Variants in LIPI observed in about 807,000 individuals in gnomAD.
LIPI encodes the protein lipase I.
Under a neutral mutation model 50.6 loss-of-function variants are expected in LIPI, and 59 were observed. The ratio of observed to expected loss-of-function variants is 1.16; its 90% CI spans 0.94 to 1.45. The LOEUF (loss-of-function observed/expected upper bound fraction) is 1.45, where lower values mean the gene tolerates loss of function less well. Among genes scored for constraint, LIPI ranks in the 40% most tolerant of loss-of-function variants. The pLI, the probability that LIPI is intolerant of heterozygous loss-of-function variation, is 0.00. For missense variants in LIPI, 586 were observed against 536.3 expected, an observed-to-expected ratio of 1.09 and a Z score of -0.92; for synonymous variants, 203 against 178.2, an observed-to-expected ratio of 1.14 and a Z score of -1.11.
chr21:14,144,846 TAACTC>T lies in LIPI; in HGVS notation c.1119-52_1119-48del, dbSNP rs758057187. 17 of 1,319,824 alleles carry T rather than the reference TAACTC, an allele frequency of 1.3e-5. No homozygotes were observed. In the Admixed American group the frequency reaches 2.1e-4, roughly 16 times the overall value. The allele number at this position is 1,319,824 out of a possible 1,614,324, so 81.8% of individuals were successfully genotyped here. A position where few individuals can be genotyped will look rare whatever the true frequency, so the allele number is the denominator to read the frequency against. On this transcript the variant is annotated intron_variant, in intron 8 of 9. Coordinates refer to ENST00000681601, the MANE Select transcript of LIPI (RefSeq NM_001302998.2). ...CGCAGCATATTAATAATTTGAAACATAACTCAATTCTAAAATCAATATAATCCTAA... is the reference window on the plus strand; with the variant it reads ...CGCAGCATATTAATAATTTGAAACATAATTCTAAAATCAATATAATCCTAA...
At chr21:14,127,102 A>G (rs746719003) in intron 9 of LIPI, among the ~76,000 whole-genome samples, 2 of 152,146 alleles carry the variant, frequency 1.3e-5, no homozygotes, top group Non-Finnish European at 2.9e-5. Flanking sequence ...GTCCTACTCT[A>G]CTGGAAGCAC....
At position 14,144,788 on chromosome 21, in the gene LIPI, G is replaced by C. The variant is rs2017841386; in HGVS notation, c.1130C>G (p.Pro377Arg). 6.4e-7 allele frequency: 1 copy of C among 1,569,066 alleles called. No homozygotes were observed. Among genetic ancestry groups the C allele is most frequent in the African/African-American group, 1.4e-5 (1 of 73,748 alleles). ...EEPRLYEKNK[P>R]FYKLQEVKIL... Reference sequence around the variant, plus strand: ...CTTGACTTCTTGAAGTTTATAAAATGGTTTGTTCTTTCTAGAGAGAAAATT... The same window carrying C: ...CTTGACTTCTTGAAGTTTATAAAATCGTTTGTTCTTTCTAGAGAGAAAATT... The change falls in exon 9 of 10, where the codon CCA (proline) becomes CGA (arginine). Residue 377 changes from proline (P) to arginine (R), a missense_variant. Physicochemically the swap from Pro to Arg is moderately radical, Grantham distance 103. Coordinates refer to ENST00000681601, the MANE Select transcript of LIPI (RefSeq NM_001302998.2).
chr21:14,145,451 C>T (rs1425409746), intron 8 of LIPI, among the ~76,000 whole-genome samples: 4 of 152,110 alleles, frequency 2.6e-5, no homozygotes, highest in African/African-American at 4.8e-5. Flanking sequence ...TTTCTCATCC[C>T]TATGTGCCAG....
intron 7 of LIPI, among the ~76,000 whole-genome samples, chr21:14,154,227 A>AAATT (rs904091098): frequency 1.3e-5 from 2 of 152,132 alleles, no homozygotes; most frequent in African/African-American, 2.4e-5. Context: ...CTTCACAGAA[A>AAATT]AATTAGATAG....
intron 1 of LIPI, among the ~76,000 whole-genome samples, chr21:14,196,711 G>A (rs408805): frequency 0.5 from 75,470 of 151,722 alleles, 19,268 homozygotes; most frequent in Non-Finnish European, 0.56. Context: ...CTGTGGTCCT[G>A]CCTACTCAGG....
intron 3 of LIPI, among the ~76,000 whole-genome samples, chr21:14,184,056 GC>G (rs1409747688): frequency 6.6e-6 from 1 of 152,116 alleles, no homozygotes; most frequent in East Asian, 1.9e-4. Context: ...ATTCACAATA[GC>G]AAAGACTTGG....
chr21:14,173,162 G>T (rs1203115284), intron 4 of LIPI, among the ~76,000 whole-genome samples: 5 of 152,178 alleles, frequency 3.3e-5, no homozygotes, highest in Non-Finnish European at 7.3e-5. Flanking sequence ...GAATACGCTC[G>T]GCGAAGAAGC....
At chr21:14,166,541 AG>A in intron 4 of LIPI, 90 bp from the exon 5 acceptor site, 1 of 758,372 alleles carries the variant, frequency 1.3e-6, no homozygotes. Context: ...ATCCATTGAA[AG>A]TTACTCTTTA....
At chr21:14,199,254 A>G (rs1292383572) in intron 1 of LIPI, among the ~76,000 whole-genome samples, 1 of 152,114 alleles carries the variant, frequency 6.6e-6, no homozygotes, top group Non-Finnish European at 1.5e-5. Flanking sequence ...TCAGAGCTGA[A>G]CTGACGGAGA....
chr21:14,157,037 G>A (rs539041787), intron 7 of LIPI, among the ~76,000 whole-genome samples: 1 of 151,836 alleles, frequency 6.6e-6, no homozygotes, highest in Admixed American at 6.6e-5. Flanking sequence ...CAATTTATGT[G>A]GAAAGCAGAA....
chr21:14,121,441 G>A (rs1448607630), intron 9 of LIPI, among the ~76,000 whole-genome samples: 3 of 152,110 alleles, frequency 2.0e-5, no homozygotes, highest in East Asian at 1.9e-4. Flanking sequence ...GTGTACAGCC[G>A]ACCAACTGCA....
intron 9 of LIPI, among the ~76,000 whole-genome samples, chr21:14,128,736 G>C (rs781385548): frequency 2.3e-4 from 35 of 152,030 alleles, no homozygotes; most frequent in Non-Finnish European, 3.5e-4. Flanking sequence ...TTACATATTA[G>C]TTCTCTATAG....
At chr21:14,122,239 T>C (rs994426299) in intron 9 of LIPI, among the ~76,000 whole-genome samples, 3 of 152,262 alleles carry the variant, frequency 2.0e-5, no homozygotes, top group East Asian at 1.9e-4. Flanking sequence ...ATCAAACTTA[T>C]TATTAGTGTA....
intron 4 of LIPI, among the ~76,000 whole-genome samples, chr21:14,172,067 A>G (rs1375242248): frequency 6.6e-6 from 1 of 152,334 alleles, no homozygotes; most frequent in Admixed American, 6.5e-5. Context: ...GACATGAACC[A>G]ACACTTCTCA....
At position 14,189,250 on chromosome 21, in the gene LIPI, T is replaced by C. The variant is rs2019569635; in HGVS notation, c.216A>G (p.Thr72=). Residue 72 remains threonine, a synonymous_variant, in exon 2 of 10, where the codon ACA becomes ACG. Coordinates refer to ENST00000681601, the MANE Select transcript of LIPI (RefSeq NM_001302998.2). ...QNNSLNVNFN[T]QKKTVWLIHG... ...GAATAAGCCAGACTGTTTTCTTTTG[T>C]GTGTTGAAATTAACATTAAGTGAGT... The C allele has an allele frequency of 1.2e-6, 2 of 1,613,974 alleles. No individual in the cohort carries two copies. Among genetic ancestry groups the C allele is most frequent in the African/African-American group, 1.3e-5 (1 of 74,934 alleles).
chr21:14,163,713 A>T (rs1472684202), intron 6 of LIPI, among the ~76,000 whole-genome samples, 190 bp from the exon 7 acceptor site: 5 of 152,114 alleles, frequency 3.3e-5, no homozygotes, highest in African/African-American at 1.2e-4. Context: ...ACAACTCTTA[A>T]ATTCAGGATT....
rs1226291217 is a variant in LIPI at position 14,147,852 on chromosome 21, C to T, written c.1119-3053G>A. Among the ~76,000 whole-genome samples, 3 of 152,068 alleles carry T rather than the reference C, an allele frequency of 2.0e-5. No individual in the cohort carries two copies. The South Asian group carries it at 6.2e-4, about 31-fold the overall frequency. ...CCAAAACCTCTGGAATCTCCCTTAC[C>T]CTGTTTTTTTGTTCCCACTGATTTG... On this transcript the variant is annotated intron_variant, in intron 8 of 9. Coordinates refer to ENST00000681601, the MANE Select transcript of LIPI (RefSeq NM_001302998.2).
chr21:14,169,879 G>T (rs1386189524), intron 4 of LIPI, among the ~76,000 whole-genome samples: 1 of 152,076 alleles, frequency 6.6e-6, no homozygotes. Context: ...AGAACTGAAG[G>T]AAATAGAGAC....
At chr21:14,200,502 C>A (rs2020015406) in intron 1 of LIPI, among the ~76,000 whole-genome samples, 2 of 152,068 alleles carry the variant, frequency 1.3e-5, no homozygotes, top group South Asian at 4.1e-4. Flanking sequence ...CTCTCATTCA[C>A]AATTGCCACA....
Sources: allele counts gnomAD v4.1 joint callset (sites outside exome capture counted in the v4.1 genomes callset), GRCh38; gene constraint gnomAD v4.1.1; transcripts MANE v1.5; gene names NCBI Gene and HGNC (gene_info 2026-07-23, HGNC 2026-07-21).